The following RIMKLB variants were observed in gnomAD, a reference collection of about 807,000 sequenced individuals.
The protein encoded by RIMKLB is ribosomal modification protein rimK like family member B.
RIMKLB carries 7 observed loss-of-function variants against 32.0 expected under a neutral mutation model. The observed-to-expected ratio is 0.22, with a 90% CI of 0.12 to 0.41. RIMKLB has a LOEUF of 0.41. Among genes scored for constraint, RIMKLB ranks in the 10% least tolerant of loss-of-function variants. RIMKLB has a pLI of 1.00. For missense variants in RIMKLB, 289 were observed against 498.7 expected (o/e 0.58, Z 4.00); for synonymous variants, 172 against 185.1 (o/e 0.93, Z 0.57).
intron 2 of RIMKLB, among the ~76,000 whole-genome samples, chr12:8,720,551 T>C (rs1945336378): frequency 6.6e-6 from 1 of 152,174 alleles, no homozygotes; most frequent in Non-Finnish European, 1.5e-5. Flanking sequence ...CCCTCGTGTG[T>C]GTGTGTGCGA....
the RIMKLB span, among the ~76,000 whole-genome samples, chr12:8,672,378 T>G: frequency 1.3e-5 from 2 of 152,180 alleles, no homozygotes; most frequent in Non-Finnish European, 2.9e-5. Context: ...TATTAGTCCA[T>G]TTTCATGCTG....
chr12:8,708,326 A>G (rs1330508756), intron 1 of RIMKLB, among the ~76,000 whole-genome samples: 2 of 152,166 alleles, frequency 1.3e-5, no homozygotes, highest in Admixed American at 1.3e-4. Flanking sequence ...TAGAATAAAT[A>G]CCTTTGGGAA....
downstream of RIMKLB, among the ~76,000 whole-genome samples, chr12:8,781,621 T>C (rs1951053078): frequency 6.6e-6 from 1 of 152,174 alleles, no homozygotes; most frequent in African/African-American, 2.4e-5. Flanking sequence ...CCAAGTCTGT[T>C]TGTAAGCTGC....
chr12:8,744,043 A>C (rs1947843984), intron 2 of RIMKLB, among the ~76,000 whole-genome samples: 1 of 151,990 alleles, frequency 6.6e-6, no homozygotes, highest in South Asian at 2.1e-4. Context: ...TTCTTTGAAC[A>C]ATTATGTGCA....
chr12:8,741,124 T>A (rs1947474251), intron 2 of RIMKLB, among the ~76,000 whole-genome samples: 2 of 152,118 alleles, frequency 1.3e-5, no homozygotes, highest in East Asian at 3.8e-4. Flanking sequence ...AAGAATTGCT[T>A]GAACCCGGGA....
At chr12:8,687,305 C>G (rs1244348143) in intron 1 of RIMKLB, among the ~76,000 whole-genome samples, 2 of 152,144 alleles carry the variant, frequency 1.3e-5, no homozygotes, top group African/African-American at 4.8e-5. Context: ...TCCCTTGTGG[C>G]AGATATTTGT....
intron 1 of RIMKLB, among the ~76,000 whole-genome samples, chr12:8,704,290 G>A (rs1422696731): frequency 6.6e-6 from 1 of 151,984 alleles, no homozygotes; most frequent in Non-Finnish European, 1.5e-5. Context: ...GGCTGAGGTG[G>A]GAGAATCACT....
chr12:8,718,540 G>A (rs191249108), intron 2 of RIMKLB, among the ~76,000 whole-genome samples: 1 of 152,264 alleles, frequency 6.6e-6, no homozygotes, highest in Admixed American at 6.5e-5. Context: ...CTACTCAGGA[G>A]GCTGAGTCAG....
intron 1 of RIMKLB, among the ~76,000 whole-genome samples, chr12:8,703,300 A>G (rs1289062384): frequency 6.6e-6 from 1 of 152,122 alleles, no homozygotes; most frequent in African/African-American, 2.4e-5. Context: ...AAGAAAAAGA[A>G]AAGAAAAAGA....
rs1360142165 is a variant in RIMKLB at position 8,777,156 on chromosome 12, T to TA, written c.*3378dup. 2.0e-6 allele frequency: 2 copies of TA among 982,086 alleles called. No homozygotes were observed. The highest frequency in any genetic ancestry group is 1.2e-6 in the Non-Finnish European group (1 of 828,058). The allele number at this position is 982,086 out of a possible 1,614,324, so 60.8% of individuals were successfully genotyped here. On this transcript the variant is annotated 3_prime_UTR_variant, in exon 6 of 6. Transcript: ENST00000535829. ...ATTTGTTTTTGTTGTACTAGGATTT[T>TA]AAAAAATGTAATATATTGCAGGATT...
In RIMKLB at chr12:8,776,622, T is replaced by C. The variant is rs984235028; in HGVS notation, c.*2838T>C. 3 of 902,388 alleles carry C rather than the reference T, an allele frequency of 3.3e-6. No homozygotes were observed. The highest frequency in any genetic ancestry group is 2.4e-4 in the East Asian group (2 of 8,388). The allele number at this position is 902,388 out of a possible 1,614,324, so 55.9% of individuals were successfully genotyped here. On this transcript the variant is annotated 3_prime_UTR_variant, in exon 6 of 6. Coordinates refer to ENST00000535829, the MANE Select transcript of RIMKLB (RefSeq NM_001297776.2). ...GTCACCCATGATGAAAACTGGACTT[T>C]ATATATCTAAACATACAAGTATGAA...
intron 2 of RIMKLB, among the ~76,000 whole-genome samples, chr12:8,740,515 C>G (rs779079548): frequency 6.6e-6 from 1 of 152,254 alleles, no homozygotes; most frequent in East Asian, 1.9e-4. Flanking sequence ...CCCTGAGTCC[C>G]CAAAGTCCAT....
At chr12:8,686,641 GGC>G (rs1942583982) in intron 1 of RIMKLB, among the ~76,000 whole-genome samples, 1 of 150,750 alleles carries the variant, frequency 6.6e-6, no homozygotes, top group South Asian at 2.1e-4. Flanking sequence ...CACCACGCCC[GGC>G]TAATTTTTTT....
At chr12:8,755,774 T>C (rs1948973928) in intron 5 of RIMKLB, among the ~76,000 whole-genome samples, 1 of 152,164 alleles carries the variant, frequency 6.6e-6, no homozygotes, top group Non-Finnish European at 1.5e-5. Flanking sequence ...TTGGGGAGGC[T>C]GAGGCAGGAA....
intron 1 of RIMKLB, among the ~76,000 whole-genome samples, chr12:8,690,193 G>A (rs559099499): frequency 2.0e-5 from 3 of 152,152 alleles, no homozygotes; most frequent in Non-Finnish European, 4.4e-5. Context: ...TTCTATGACT[G>A]TAGAAAATCC....
chr12:8,755,606 C>T (rs1038097028), intron 5 of RIMKLB, among the ~76,000 whole-genome samples: 4 of 152,180 alleles, frequency 2.6e-5, no homozygotes, highest in South Asian at 2.1e-4. Context: ...CCTACAGTAG[C>T]CCCTTAAGGG....
intron 1 of RIMKLB, among the ~76,000 whole-genome samples, chr12:8,705,000 A>ACACACACACACACACAC (rs1178112609): frequency 6.6e-6 from 1 of 150,954 alleles, no homozygotes; most frequent in African/African-American, 2.5e-5. Flanking sequence ...ACACACACAC[A>ACACACACACACACACAC]AAACCCCAAA....
At chr12:8,768,855 T>C (rs907122974) in intron 5 of RIMKLB, among the ~76,000 whole-genome samples, 3 of 152,242 alleles carry the variant, frequency 2.0e-5, no homozygotes, top group Non-Finnish European at 2.9e-5. Flanking sequence ...CATATGCTGC[T>C]TTTAATCTCT....
the RIMKLB span, among the ~76,000 whole-genome samples, chr12:8,674,041 G>T: frequency 2.0e-5 from 3 of 152,018 alleles, no homozygotes; most frequent in African/African-American, 7.3e-5. Context: ...AAGGGAAAGA[G>T]AAATAAACTC....
Sources: allele counts gnomAD v4.1 joint callset (sites outside exome capture counted in the v4.1 genomes callset), GRCh38; gene constraint gnomAD v4.1.1; transcripts MANE v1.5; gene names NCBI Gene and HGNC (gene_info 2026-07-23, HGNC 2026-07-21).